Variants in WDR64 observed in about 807,000 individuals in gnomAD.
WDR64 encodes the protein WD repeat domain 64.
WDR64 carries 112 observed loss-of-function variants against 139.3 expected under a neutral mutation model. The ratio of observed to expected loss-of-function variants is 0.80; its 90% CI spans 0.69 to 0.94. The LOEUF is 0.94. Ranked by LOEUF, WDR64 falls within the 40% of genes least tolerant of loss-of-function variation. WDR64 has a pLI of 0.00. For missense variants in WDR64, 1,206 were observed against 1,293.1 expected, an observed-to-expected ratio of 0.93 and a Z score of 1.03; for synonymous variants, 444 against 437.7, an observed-to-expected ratio of 1.01 and a Z score of -0.18.
chr1:241,734,732 T>G (rs1451369262), intron 10 of WDR64, among the ~76,000 whole-genome samples: 1 of 152,106 alleles, frequency 6.6e-6, no homozygotes, highest in Non-Finnish European at 1.5e-5. Context: ...GTCATCATAT[T>G]ATAATTGCTA....
At chr1:241,749,497 C>T in intron 13 of WDR64, 50 bp from the exon 14 acceptor site, 2 of 1,575,292 alleles carry the variant, frequency 1.3e-6, no homozygotes, top group South Asian at 2.3e-5. Context: ...AAAAGCCAAG[C>T]TTTCTCTAAG....
intron 24 of WDR64, among the ~76,000 whole-genome samples, chr1:241,789,048 T>C (rs1014746090): frequency 1.3e-5 from 2 of 152,094 alleles, no homozygotes; most frequent in African/African-American, 2.4e-5. Flanking sequence ...CATCTTTGTA[T>C]AAAACAGTTC....
rs2148325505 is a variant in WDR64, at chr1:241,788,015, C to T, written c.2872C>T (p.Leu958=). 1.3e-6 allele frequency: 2 copies of T among 1,594,976 alleles called. No homozygotes were observed. Among genetic ancestry groups the T allele is most frequent in the Non-Finnish European group, 8.5e-7 (1 of 1,173,732 alleles). ...AGAGAAGCAAAAATATGAATATCCT[C>T]TGATATTTGACCGGGAAAAGTAAGA... The part of the protein sequence containing the change: ...FTEKQKYEYP[L]IFDREKWRKM... The change falls in exon 24 of 28, where the codon CTG becomes TTG. Residue 958 remains leucine, a synonymous_variant. Transcript: ENST00000437684.
intron 8 of WDR64, among the ~76,000 whole-genome samples, chr1:241,691,453 A>C (rs1289520702): frequency 1.3e-5 from 2 of 152,194 alleles, no homozygotes; most frequent in Non-Finnish European, 2.9e-5. Context: ...CATATAGATT[A>C]AAAGTACAGG....
At chr1:241,762,180 C>A (rs768388681) in intron 15 of WDR64, among the ~76,000 whole-genome samples, 15 of 149,644 alleles carry the variant, frequency 1.0e-4, no homozygotes, top group Admixed American at 4.0e-4. Context: ...GTCAAAATTT[C>A]CCCTTGATCC....
chr1:241,701,361 A>G (rs996293510), intron 8 of WDR64, among the ~76,000 whole-genome samples: 4 of 152,232 alleles, frequency 2.6e-5, no homozygotes, highest in African/African-American at 7.2e-5. Flanking sequence ...TTTTTTCAAA[A>G]TGCATATTTG....
rs1659520112 is a variant in WDR64, at chr1:241,801,312, C to T, written c.*97C>T. On this transcript the variant is annotated 3_prime_UTR_variant, in exon 28 of 28. Coordinates refer to ENST00000437684, the MANE Select transcript of WDR64 (RefSeq NM_001367482.1). ...GATGAGAGGGAGAAACCACCAGACA[C>T]TATCAGTCATCTCTGGTGTCAGGCC... The T allele has an allele frequency of 2.8e-6, 3 of 1,062,990 alleles. No homozygotes were observed. The Admixed American group carries it at 5.6e-5, about 20-fold the overall frequency. 65.8% of individuals were successfully genotyped at this position (1,062,990 alleles called of 1,614,324 possible). A position where few individuals can be genotyped will look rare whatever the true frequency, so the allele number is the denominator to read the frequency against.
At chr1:241,784,775 G>A (rs1658972055) in intron 23 of WDR64, among the ~76,000 whole-genome samples, 1 of 151,718 alleles carries the variant, frequency 6.6e-6, no homozygotes, top group East Asian at 1.9e-4. Flanking sequence ...CCAACATGGT[G>A]AAACCCTGTC....
At chr1:241,655,577 C>G (rs1423089492) in intron 1 of WDR64, among the ~76,000 whole-genome samples, 1 of 152,228 alleles carries the variant, frequency 6.6e-6, no homozygotes, top group African/African-American at 2.4e-5. Flanking sequence ...TTTTCAGTCT[C>G]AACTCCTGGC....
Position 241,790,635 on chromosome 1 carries a change from C to T in WDR64, c.2936C>T (p.Pro979Leu). Residue 979 changes from proline (P) to leucine (L), a missense_variant, in exon 25 of 28, where the codon CCT becomes CTT. Transcript: ENST00000437684. ...SSVSLLFKRT[P>L]PKAFEVEQDF... ...GTGTCTCTACTTTTCAAACGCACAC[C>T]TCCCAAGGCCTTTGAAGTGGAACAG... 2 of 1,612,542 alleles carry T rather than the reference C, an allele frequency of 1.2e-6. No homozygotes were observed. The highest frequency in any genetic ancestry group is 1.7e-6 in the Non-Finnish European group (2 of 1,179,688).
intron 10 of WDR64, among the ~76,000 whole-genome samples, chr1:241,729,044 C>T (rs1212433798): frequency 6.6e-6 from 1 of 152,166 alleles, no homozygotes; most frequent in Non-Finnish European, 1.5e-5. Flanking sequence ...TTATTTTCTA[C>T]TTCAAGTCTT....
intron 22 of WDR64, among the ~76,000 whole-genome samples, chr1:241,782,276 G>A (rs535256940): frequency 1.3e-5 from 2 of 152,342 alleles, no homozygotes; most frequent in Admixed American, 6.5e-5. Context: ...AACAGAGCGA[G>A]ACTCTGTCTC....
At chr1:241,707,062 G>GCCC (rs1266800251) in intron 8 of WDR64, among the ~76,000 whole-genome samples, 1 of 152,090 alleles carries the variant, frequency 6.6e-6, no homozygotes, top group Non-Finnish European at 1.5e-5. Context: ...GTTCACCACA[G>GCCC]CCCCCCTTCT....
In WDR64 at chr1:241,775,358, C is replaced by G. The variant is rs561617322; in HGVS notation, c.2536+148C>G. The G allele has an allele frequency of 1.9e-5, 11 of 586,572 alleles. No homozygotes were observed. In the African/African-American group the frequency reaches 2.0e-4, roughly 11 times the overall value. The allele number at this position is 586,572 out of a possible 1,614,324, so 36.3% of individuals were successfully genotyped here. ...AGCCTGAGAAAGTGTTATAAATAGCCTGCTGAATAAACAGAATAAATGAGT... is the reference window on the plus strand; with the variant it reads ...AGCCTGAGAAAGTGTTATAAATAGCGTGCTGAATAAACAGAATAAATGAGT... On this transcript the variant is annotated intron_variant, in intron 21 of 27. Coordinates refer to ENST00000437684, the MANE Select transcript of WDR64 (RefSeq NM_001367482.1).
At chr1:241,659,398 G>T (rs1001817159) in intron 1 of WDR64, among the ~76,000 whole-genome samples, 1 of 152,136 alleles carries the variant, frequency 6.6e-6, no homozygotes. Flanking sequence ...ATAATAGAAT[G>T]ATTTTTATTC....
At chr1:241,763,577 C>T (rs957529822) in intron 15 of WDR64, among the ~76,000 whole-genome samples, 10 of 152,102 alleles carry the variant, frequency 6.6e-5, no homozygotes, top group East Asian at 5.8e-4. Flanking sequence ...TGGTGGCGTA[C>T]GCCTGTAATC....
chr1:241,719,781 AATTT>A (rs34424171), intron 9 of WDR64, among the ~76,000 whole-genome samples: 8,814 of 152,146 alleles, frequency 0.058, 289 homozygotes, highest in South Asian at 0.081. Flanking sequence ...GGGTTTTAAA[AATTT>A]ATTTATTTTC....
chr1:241,663,223 G>A (rs1573986601), intron 2 of WDR64, among the ~76,000 whole-genome samples: 1 of 152,216 alleles, frequency 6.6e-6, no homozygotes, highest in East Asian at 1.9e-4. Context: ...GATACCAACT[G>A]TTCCCGAATT....
At chr1:241,672,332 C>T (rs991715868) in intron 3 of WDR64, among the ~76,000 whole-genome samples, 3 of 152,134 alleles carry the variant, frequency 2.0e-5, no homozygotes, top group Non-Finnish European at 4.4e-5. Context: ...CACACACACA[C>T]AGACACAAAA....
Sources: allele counts gnomAD v4.1 joint callset (sites outside exome capture counted in the v4.1 genomes callset), GRCh38; gene constraint gnomAD v4.1.1; transcripts MANE v1.5; gene names NCBI Gene and HGNC (gene_info 2026-07-23, HGNC 2026-07-21).